TAFA1: variants seen among roughly 807,000 people sequenced by gnomAD.
TAFA1 encodes TAFA chemokine like family member 1, also known as chemokine-like protein TAFA-1.
In TAFA1, 4 loss-of-function variants were observed where a neutral mutation model predicts 18.5. That is an observed-to-expected ratio of 0.22 (90% CI 0.11 to 0.49). The LOEUF is 0.49. Ranked by LOEUF, TAFA1 falls within the 20% of genes least tolerant of loss-of-function variation. The pLI is 0.98. For missense variants in TAFA1, 147 were observed against 169.0 expected (o/e 0.87, Z 0.72); for synonymous variants, 56 against 55.2 (o/e 1.01, Z -0.06).
At chr3:68,170,645 T>C (rs944181495) in intron 2 of TAFA1, among the ~76,000 whole-genome samples, 1 of 152,146 alleles carries the variant, frequency 6.6e-6, no homozygotes. Flanking sequence ...CTGACTGGCA[T>C]TGAGGCTCAG....
intron 2 of TAFA1, among the ~76,000 whole-genome samples, chr3:68,065,001 GT>G: frequency 6.6e-6 from 1 of 152,082 alleles, no homozygotes; most frequent in East Asian, 1.9e-4. Flanking sequence ...ATGAGTAAAG[GT>G]AGACCCATCA....
At chr3:68,330,976 A>G (rs1350051146) in intron 2 of TAFA1, among the ~76,000 whole-genome samples, 1 of 152,178 alleles carries the variant, frequency 6.6e-6, no homozygotes, top group Non-Finnish European at 1.5e-5. Context: ...TCAAACAAAA[A>G]TTTTTACAGA....
chr3:68,420,172 T>G (rs1294218293), intron 3 of TAFA1, among the ~76,000 whole-genome samples: 1 of 152,182 alleles, frequency 6.6e-6, no homozygotes, highest in Non-Finnish European at 1.5e-5. Flanking sequence ...GGCCAGTGTG[T>G]CAACCTTTGC....
chr3:68,110,318 T>C (rs1392599215), intron 2 of TAFA1, among the ~76,000 whole-genome samples: 1 of 152,214 alleles, frequency 6.6e-6, no homozygotes, highest in Non-Finnish European at 1.5e-5. Flanking sequence ...CATTCCTTTT[T>C]ATGGCTGCAT....
the TAFA1 span, among the ~76,000 whole-genome samples, chr3:67,997,499 A>C: frequency 1.3e-5 from 2 of 152,186 alleles, no homozygotes; most frequent in African/African-American, 4.8e-5. Flanking sequence ...AGAGATATAG[A>C]TTAAAATATA....
intron 2 of TAFA1, among the ~76,000 whole-genome samples, chr3:68,316,607 T>G (rs1313990449): frequency 6.6e-6 from 1 of 152,192 alleles, no homozygotes; most frequent in African/African-American, 2.4e-5. Context: ...CTTTTAGTTT[T>G]TATGAGCTGG....
chr3:68,279,386 T>C (rs1334256378), intron 2 of TAFA1, among the ~76,000 whole-genome samples: 2 of 152,108 alleles, frequency 1.3e-5, no homozygotes. Context: ...AGGTGTTCAT[T>C]CTTGGATTCA....
intron 3 of TAFA1, among the ~76,000 whole-genome samples, chr3:68,418,862 A>G (rs558626474): frequency 6.6e-6 from 1 of 152,166 alleles, no homozygotes; most frequent in Non-Finnish European, 1.5e-5. Flanking sequence ...CTCTATTGTG[A>G]TATAACAAAT....
chr3:68,264,020 A>G (rs923122261), intron 2 of TAFA1, among the ~76,000 whole-genome samples: 31 of 152,166 alleles, frequency 2.0e-4, no homozygotes, highest in African/African-American at 7.5e-4. Context: ...GGCTGGGCAC[A>G]GTGGCTCATG....
intron 2 of TAFA1, chr3:68,250,682 A>G (rs1300019302): frequency 6.6e-6 from 1 of 152,152 alleles, no homozygotes; most frequent in East Asian, 1.9e-4. Flanking sequence ...CTAAGGCAGA[A>G]CAAAAATTAC....
chr3:68,281,281 G>A (rs953239937), intron 2 of TAFA1, among the ~76,000 whole-genome samples: 3 of 151,898 alleles, frequency 2.0e-5, no homozygotes, highest in South Asian at 2.1e-4. Context: ...ATTACAAAAC[G>A]ACTTAAAATT....
intron 3 of TAFA1, among the ~76,000 whole-genome samples, chr3:68,455,066 T>G (rs893095316): frequency 6.6e-6 from 1 of 152,206 alleles, no homozygotes; most frequent in African/African-American, 2.4e-5. Flanking sequence ...TATTATACAC[T>G]GTTTTCTTAC....
At chr3:68,168,624 A>G (rs1051281228) in intron 2 of TAFA1, among the ~76,000 whole-genome samples, 1 of 152,208 alleles carries the variant, frequency 6.6e-6, no homozygotes, top group Admixed American at 6.5e-5. Context: ...GCATTCTCGT[A>G]CCAACGGTTT....
At chr3:68,263,123 T>C (rs1018628812) in intron 2 of TAFA1, among the ~76,000 whole-genome samples, 11 of 152,118 alleles carry the variant, frequency 7.2e-5, no homozygotes, top group Non-Finnish European at 1.3e-4. Flanking sequence ...TAAGAGATGG[T>C]GTCTTACTAT....
chr3:68,413,237 C>T (rs2070749274), intron 2 of TAFA1, among the ~76,000 whole-genome samples: 1 of 151,922 alleles, frequency 6.6e-6, no homozygotes, highest in Non-Finnish European at 1.5e-5. Flanking sequence ...TGATTTTTTT[C>T]TTGTAAATTT....
At chr3:68,506,176 G>A (rs2072749472) in intron 3 of TAFA1, among the ~76,000 whole-genome samples, 1 of 152,050 alleles carries the variant, frequency 6.6e-6, no homozygotes, top group East Asian at 1.9e-4. Context: ...TGCTGAGAAT[G>A]ATAGTTTCCA....
chr3:68,456,559 T>C (rs969881384), intron 3 of TAFA1, among the ~76,000 whole-genome samples: 1 of 152,212 alleles, frequency 6.6e-6, no homozygotes, highest in Non-Finnish European at 1.5e-5. Context: ...TTTGCTGCCA[T>C]TAATTTCTCC....
At chr3:68,038,860 A>ATC (rs1705107636) in intron 2 of TAFA1, among the ~76,000 whole-genome samples, 1 of 152,220 alleles carries the variant, frequency 6.6e-6, no homozygotes. Flanking sequence ...TCTTGTTTAC[A>ATC]ATGCATAACT....
chr3:68,018,000 C>A (rs1704603848), intron 2 of TAFA1, among the ~76,000 whole-genome samples: 1 of 151,986 alleles, frequency 6.6e-6, no homozygotes, highest in South Asian at 2.1e-4. Flanking sequence ...TTATTTAACA[C>A]AAAGGAACAG....
Sources: gnomAD v4.1 joint callset for allele counts (sites outside exome capture counted in the v4.1 genomes callset) on GRCh38, gnomAD v4.1.1 for gene constraint, MANE v1.5 for transcripts, NCBI Gene and HGNC (gene_info 2026-07-23, HGNC 2026-07-21) for gene names.